The following NXN variants were observed in gnomAD, a reference collection of about 807,000 sequenced individuals.
The protein encoded by NXN is nucleoredoxin, also known as nucleoredoxin 1.
NXN carries 16 observed loss-of-function variants against 48.6 expected under a neutral mutation model. The ratio of observed to expected loss-of-function variants is 0.33; its 90% CI spans 0.22 to 0.50. NXN has a LOEUF of 0.50. Ranked by LOEUF, NXN falls within the 20% of genes least tolerant of loss-of-function variation. The probability of loss-of-function intolerance (pLI) is 0.98; values close to 1 mark genes in which losing one functional copy is unlikely to be tolerated. For synonymous variants in NXN, 281 were observed against 269.6 expected, an observed-to-expected ratio of 1.04 and a Z score of -0.41; for missense variants, 492 against 605.5, an observed-to-expected ratio of 0.81 and a Z score of 1.97.
At chr17:805,628 G>C (rs1223256711) in intron 5 of NXN, among the ~76,000 whole-genome samples, 3 of 152,024 alleles carry the variant, frequency 2.0e-5, no homozygotes, top group African/African-American at 7.2e-5. Context: ...CTTGAGGTCA[G>C]GAGTTGGAGA....
rs1485545043 is a variant in NXN, at chr17:919,969, G to A, written c.360+59350C>T. ...CTCAGCCCCCACCGGCACCCTTGGT[G>A]CCTTCATCACCCATCCAGAGCAACT... On this transcript the variant is annotated intron_variant, in intron 1 of 7. Transcript: ENST00000336868. This position sits in a 1 kb window ranked among gnomAD's most constrained non-coding sequence, Gnocchi z 5.1. Among the ~76,000 whole-genome samples the A allele has an allele frequency of 1.3e-5, 2 of 151,488 alleles. No homozygotes were observed. Among genetic ancestry groups the A allele is most frequent in the Non-Finnish European group, 3.0e-5 (2 of 67,578 alleles).
intron 1 of NXN, among the ~76,000 whole-genome samples, chr17:883,262 G>A (rs560194851): frequency 9.5e-4 from 144 of 152,288 alleles, no homozygotes; most frequent in Middle Eastern, 3.4e-3. Context: ...GGGAAAGGCT[G>A]GGGGAAGACG....
intron 1 of NXN, among the ~76,000 whole-genome samples, chr17:933,740 G>A (rs1454796115): frequency 6.6e-6 from 1 of 151,956 alleles, no homozygotes; most frequent in Non-Finnish European, 1.5e-5. Flanking sequence ...TATTATTCAC[G>A]AGGCACTAAC....
At chr17:935,137 G>A (rs1441519868) in intron 1 of NXN, among the ~76,000 whole-genome samples, 1 of 151,868 alleles carries the variant, frequency 6.6e-6, no homozygotes, top group East Asian at 2.0e-4. Flanking sequence ...GATCACAGGT[G>A]CATGCACTAC....
chr17:955,712 C>T (rs761053566), intron 1 of NXN, among the ~76,000 whole-genome samples: 57 of 151,050 alleles, frequency 3.8e-4, no homozygotes, highest in South Asian at 2.3e-3. Context: ...CTGGCTAACA[C>T]GGTGAAACCC....
chr17:831,465 AT>A lies in NXN; in HGVS notation c.361-5388del, dbSNP rs1913468178. ...GCCGACTTTATTTATTCATTTATTT[AT>A]TTATTTATTTATTTATTATTTTGAG... On this transcript the variant is annotated intron_variant, in intron 1 of 7. Coordinates refer to ENST00000336868, the MANE Select transcript of NXN (RefSeq NM_022463.5). Among the ~76,000 whole-genome samples, 10 of 68,634 alleles carry A rather than the reference AT, an allele frequency of 1.5e-4. 1 individual carries two copies. The South Asian group carries it at 4.6e-3, about 32-fold the overall frequency. 45.0% of individuals were successfully genotyped at this position (68,634 alleles called of 152,430 possible). A position where few individuals can be genotyped will look rare whatever the true frequency, so the allele number is the denominator to read the frequency against.
At chr17:804,986 A>G in intron 6 of NXN, 82 bp downstream of exon 6, 1 of 1,409,930 alleles carries the variant, frequency 7.1e-7, no homozygotes, top group South Asian at 1.2e-5. Flanking sequence ...GAGAAGCGGC[A>G]GGGACAGGCT....
At chr17:865,712 A>T (rs1341668278) in intron 1 of NXN, among the ~76,000 whole-genome samples, 1 of 151,630 alleles carries the variant, frequency 6.6e-6, no homozygotes, top group African/African-American at 2.4e-5. Flanking sequence ...TGCTGGGCGC[A>T]GTGGCTCACG....
chr17:856,643 A>T (rs1437023051), intron 1 of NXN, among the ~76,000 whole-genome samples: 1 of 151,902 alleles, frequency 6.6e-6, no homozygotes, highest in African/African-American at 2.4e-5. Context: ...GGCACCCACC[A>T]CCATGCTCAG....
intron 1 of NXN, among the ~76,000 whole-genome samples, chr17:889,203 C>T (rs894120878): frequency 1.3e-5 from 2 of 152,174 alleles, no homozygotes; most frequent in Non-Finnish European, 2.9e-5. Flanking sequence ...GAAAGCCCAG[C>T]GCCTGCACGT....
intron 1 of NXN, among the ~76,000 whole-genome samples, chr17:916,136 A>G (rs1279720658): frequency 6.6e-6 from 1 of 152,202 alleles, no homozygotes; most frequent in Non-Finnish European, 1.5e-5. Context: ...TTCCAAGGAA[A>G]AGTAACCTCC....
intron 1 of NXN, chr17:959,180 C>A: frequency 2.1e-6 from 2 of 957,124 alleles, no homozygotes; most frequent in South Asian, 2.6e-5. Flanking sequence ...GGTGGTTCCC[C>A]GCCACGTACC....
At chr17:886,579 T>C (rs4968064) in intron 1 of NXN, among the ~76,000 whole-genome samples, 152,228 of 152,228 alleles carry the variant, frequency 1, 76,114 homozygotes, top group Non-Finnish European at 1. Context: ...GAGTTCGAGA[T>C]CAGCCTGGCC....
Position 801,038 on chromosome 17 carries a change from C to A in NXN, c.1219G>T (p.Val407Leu), listed in dbSNP as rs757472688. 6.3e-7 allele frequency: 1 copy of A among 1,576,080 alleles called. No homozygotes were observed. The highest frequency in any genetic ancestry group is 8.6e-7 in the Non-Finnish European group (1 of 1,159,944). Residue 407 changes from valine to leucine, a missense_variant, in exon 8 of 8, where the codon GTG becomes TTG. By Grantham distance (32) the Val-to-Leu change is conservative. Coordinates refer to ENST00000336868, the MANE Select transcript of NXN (RefSeq NM_022463.5). ...ILDMSARAKY[V>L]MDVEEITPAI... Reference sequence around the variant, plus strand: ...GGGGTGATCTCCTCCACGTCCATCACGTACTTGGCCCGGGCTGACATGTCC... The same window carrying A: ...GGGGTGATCTCCTCCACGTCCATCAAGTACTTGGCCCGGGCTGACATGTCC...
At position 970,939 on chromosome 17, in the gene NXN, G is replaced by C. The variant is rs185106505; in HGVS notation, c.360+8380C>G. Among the ~76,000 whole-genome samples, 413 of 150,212 alleles carry C rather than the reference G, an allele frequency of 2.7e-3. 2 individuals are homozygous for C. In the Middle Eastern group the frequency reaches 0.041, roughly 15 times the overall value. ...CATGGCATGACAGGTCTGCAGATATGAGACTCTTTTTTTTTTTTTTTTTTG... is the reference window on the plus strand; with the variant it reads ...CATGGCATGACAGGTCTGCAGATATCAGACTCTTTTTTTTTTTTTTTTTTG... On this transcript the variant is annotated intron_variant, in intron 1 of 7. Transcript: ENST00000336868.
intron 5 of NXN, among the ~76,000 whole-genome samples, chr17:816,342 C>T (rs956845810): frequency 5.8e-5 from 5 of 86,040 alleles, no homozygotes; most frequent in African/African-American, 3.2e-4. Flanking sequence ...TTCACTGTCC[C>T]TGTCATGGTC....
chr17:838,940 TG>T lies in NXN; in HGVS notation c.361-12863del, dbSNP rs1913980405. On this transcript the variant is annotated intron_variant, in intron 1 of 7. Transcript: ENST00000336868. ...AGGCCGTGTGGGATAGATCAAACGG[TG>T]GAGAATGTGGTTCTGGAGCCAGGCT... 2.6e-5 allele frequency among the ~76,000 whole-genome samples: 4 copies of T among 152,306 alleles called. No individual in the cohort carries two copies. The South Asian group carries it at 8.3e-4, about 32-fold the overall frequency.
intron 1 of NXN, among the ~76,000 whole-genome samples, chr17:940,751 C>A (rs1020368700): frequency 1.4e-5 from 2 of 145,474 alleles, no homozygotes; most frequent in African/African-American, 2.7e-5. Flanking sequence ...GATTCCAGGG[C>A]GCAGCCATGA....
intron 6 of NXN, among the ~76,000 whole-genome samples, chr17:804,197 C>T (rs534469201): frequency 6.6e-6 from 1 of 152,150 alleles, no homozygotes; most frequent in African/African-American, 2.4e-5. Flanking sequence ...TGACCTCCGA[C>T]CTCCGACTTC....
Sources: gnomAD v4.1 joint callset for allele counts (sites outside exome capture counted in the v4.1 genomes callset) on GRCh38, gnomAD v4.1.1 for gene constraint, Gnocchi (gnomAD v3.1) non-coding constraint, MANE v1.5 for transcripts, NCBI Gene and HGNC (gene_info 2026-07-23, HGNC 2026-07-21) for gene names.